Variants in MYL10 observed in about 807,000 individuals in gnomAD.
The protein encoded by MYL10 is myosin regulatory light chain 10.
In MYL10, 18 loss-of-function variants were observed where a neutral mutation model predicts 21.9. That is an observed-to-expected ratio of 0.82 (90% CI 0.57 to 1.22). The LOEUF is 1.22. Ranked by LOEUF, MYL10 falls within the 50% of genes most tolerant of loss-of-function variation. The pLI, the probability that MYL10 is intolerant of heterozygous loss-of-function variation, is 0.00. For synonymous variants in MYL10, 88 were observed against 82.8 expected (o/e 1.06, Z -0.34); for missense variants, 225 against 230.4 (o/e 0.98, Z 0.15).
chr7:101,625,748 A>G (rs2130744530), intron 1 of MYL10, among the ~76,000 whole-genome samples: 1 of 152,354 alleles, frequency 6.6e-6, no homozygotes, highest in East Asian at 1.9e-4. Flanking sequence ...AAATCCTTTC[A>G]GACATCATAA....
chr7:101,620,184 G>A (rs540539787), intron 5 of MYL10, among the ~76,000 whole-genome samples: 1 of 152,246 alleles, frequency 6.6e-6, no homozygotes, highest in East Asian at 1.9e-4. Context: ...ATTTAGCGGG[G>A]CATGGTGGCG....
intron 1 of MYL10, 125 bp from the exon 2 acceptor site, chr7:101,624,389 G>A: frequency 1.5e-6 from 1 of 660,620 alleles, no homozygotes; most frequent in Non-Finnish European, 2.6e-6. Context: ...GGTGCCTACA[G>A]CAGACAGACA....
At chr7:101,623,129 C>G in intron 3 of MYL10, 57 bp from the exon 4 acceptor site, 1 of 1,533,472 alleles carries the variant, frequency 6.5e-7, no homozygotes, top group Non-Finnish European at 9.0e-7. Context: ...GGCCACCTCC[C>G]CCAGGGACCG....
At chr7:101,621,587 T>G (rs1000319216) in intron 5 of MYL10, among the ~76,000 whole-genome samples, 1 of 131,984 alleles carries the variant, frequency 7.6e-6, no homozygotes, top group Admixed American at 8.3e-5. Flanking sequence ...TGTTTAGTTT[T>G]TATGGTTGTT....
intron 5 of MYL10, among the ~76,000 whole-genome samples, chr7:101,621,743 C>T (rs1796680473): frequency 6.6e-6 from 1 of 152,050 alleles, no homozygotes; most frequent in Admixed American, 6.6e-5. Flanking sequence ...CATGTGTCAC[C>T]ATGTCTGGCT....
At chr7:101,614,493 G>T (rs1796585988) in intron 6 of MYL10, among the ~76,000 whole-genome samples, 1 of 152,242 alleles carries the variant, frequency 6.6e-6, no homozygotes, top group Admixed American at 6.5e-5. Flanking sequence ...ATGTCCCAAG[G>T]CAGTGCCTTC....
At chr7:101,621,981 G>A in intron 5 of MYL10, 115 bp downstream of exon 5, 2 of 771,024 alleles carry the variant, frequency 2.6e-6, no homozygotes, top group Non-Finnish European at 4.2e-6. Flanking sequence ...GCTGGTGTCT[G>A]GGGCCACATC....
chr7:101,623,900 G>A lies in MYL10; in HGVS notation c.273+20C>T, dbSNP rs554360109. The A allele has an allele frequency of 1.6e-4, 47 of 301,724 alleles. No individual in the cohort carries two copies. The highest frequency in any genetic ancestry group is 1.1e-3 in the Middle Eastern group (1 of 904). The allele number at this position is 301,724 out of a possible 1,614,324, so 18.7% of individuals were successfully genotyped here. A position where few individuals can be genotyped will look rare whatever the true frequency, so the allele number is the denominator to read the frequency against. ...AAAAATTAGCTGGGCATGGTGGTGC[G>A]TGCCTGCAATCCCACCTACTTGGGA... is the stretch of plus-strand genomic sequence containing the variant. On this transcript the variant is annotated intron_variant, in intron 3 of 7. Coordinates refer to ENST00000223167, the MANE Select transcript of MYL10 (RefSeq NM_138403.5).
At position 101,616,208 on chromosome 7, in the gene MYL10, G is replaced by T. The variant is rs771136496; in HGVS notation, c.533+12C>A. On this transcript the variant is annotated intron_variant, in intron 6 of 7. Coordinates refer to ENST00000223167, the MANE Select transcript of MYL10 (RefSeq NM_138403.5). ...TCCCCTGAGCATTTTGGGGGAGTCAGGGGAAACTTACACATCGGCCTTGAC... is the reference window on the plus strand; with the variant it reads ...TCCCCTGAGCATTTTGGGGGAGTCATGGGAAACTTACACATCGGCCTTGAC... 2 of 1,613,134 alleles carry T rather than the reference G, an allele frequency of 1.2e-6. No individual in the cohort carries two copies. The highest frequency in any genetic ancestry group is 1.1e-5 in the South Asian group (1 of 91,020).
At chr7:101,626,110 A>G (rs1012922434) in intron 1 of MYL10, among the ~76,000 whole-genome samples, 1 of 152,230 alleles carries the variant, frequency 6.6e-6, no homozygotes, top group Non-Finnish European at 1.5e-5. Context: ...ATCTCAGGGA[A>G]GAAGGGGGGG....
chr7:101,618,463 C>T (rs1390913634), intron 5 of MYL10, among the ~76,000 whole-genome samples: 3 of 152,228 alleles, frequency 2.0e-5, no homozygotes, highest in Non-Finnish European at 2.9e-5. Flanking sequence ...CCGGCTCCAG[C>T]CTATCCCCCT....
At position 101,624,259 on chromosome 7, in the gene MYL10, C is replaced by A; in HGVS notation, c.84G>T (p.Pro28=). 1 of 1,612,536 alleles carries A rather than the reference C, an allele frequency of 6.2e-7. No homozygotes were observed. Among genetic ancestry groups the A allele is most frequent in the Non-Finnish European group, 8.5e-7 (1 of 1,179,586 alleles). ...CTTCTGCTCTTTTCCGAGCTCTTCT[C>A]GGTGCCTGCGAGGTAGCAGACAAGG... ...RPPKVLGLQA[P]RRARKRAEGT... is the part of the protein sequence containing the mutation. The change falls in exon 2 of 8, where the codon CCG becomes CCT. Residue 28 remains proline (P), a synonymous_variant. Coordinates refer to ENST00000223167, the MANE Select transcript of MYL10 (RefSeq NM_138403.5).
At chr7:101,618,901 C>T (rs1275059310) in intron 5 of MYL10, among the ~76,000 whole-genome samples, 1 of 152,228 alleles carries the variant, frequency 6.6e-6, no homozygotes, top group Non-Finnish European at 1.5e-5. Context: ...TCAATCTTCC[C>T]ATCTGCGAAA....
chr7:101,628,306 A>T (rs940248607), intron 1 of MYL10, among the ~76,000 whole-genome samples: 9 of 152,174 alleles, frequency 5.9e-5, no homozygotes, highest in African/African-American at 2.2e-4. Flanking sequence ...TATCAAAAAA[A>T]TTAGCCGAGC....
chr7:101,616,367 C>T, intron 5 of MYL10, 69 bp from the exon 6 acceptor site: 1 of 1,318,452 alleles, frequency 7.6e-7, no homozygotes, highest in Admixed American at 1.8e-5. Context: ...AGGCACAAGG[C>T]TGGGCAGGGG....
chr7:101,627,734 A>G (rs909245042), intron 1 of MYL10, among the ~76,000 whole-genome samples: 3 of 152,206 alleles, frequency 2.0e-5, no homozygotes, highest in Admixed American at 2.0e-4. Flanking sequence ...GCCCTGGGCC[A>G]ACTGTTTTCT....
chr7:101,618,911 A>G (rs1288196198), intron 5 of MYL10, among the ~76,000 whole-genome samples: 1 of 152,174 alleles, frequency 6.6e-6, no homozygotes, highest in African/African-American at 2.4e-5. Flanking sequence ...CATCTGCGAA[A>G]CAGGTTTGGG....
chr7:101,626,535 C>G (rs1053082922), intron 1 of MYL10, among the ~76,000 whole-genome samples: 6 of 152,180 alleles, frequency 3.9e-5, no homozygotes, highest in African/African-American at 1.4e-4. Flanking sequence ...AGAGGGACAG[C>G]CAGATTGATA....
At chr7:101,625,979 G>A (rs1473902515) in intron 1 of MYL10, among the ~76,000 whole-genome samples, 1 of 151,482 alleles carries the variant, frequency 6.6e-6, no homozygotes, top group Non-Finnish European at 1.5e-5. Context: ...CCACGAGGGA[G>A]GGAGAGATCA....
Sources: allele counts gnomAD v4.1 joint callset (sites outside exome capture counted in the v4.1 genomes callset), GRCh38; gene constraint gnomAD v4.1.1; transcripts MANE v1.5; gene names NCBI Gene and HGNC (gene_info 2026-07-23, HGNC 2026-07-21).